CAMTA1: variants seen among roughly 807,000 people sequenced by gnomAD.
CAMTA1 encodes calmodulin binding transcription activator 1, also known as calmodulin-binding transcription activator 1.
Under a neutral mutation model 170.9 loss-of-function variants are expected in CAMTA1, and 27 were observed. The ratio of observed to expected loss-of-function variants is 0.16; its 90% confidence interval spans 0.12 to 0.22. CAMTA1 has a LOEUF of 0.22. Ranked by LOEUF, CAMTA1 falls within the 10% of genes least tolerant of loss-of-function variation. CAMTA1 has a pLI of 1.00. For missense variants in CAMTA1, 1,619 were observed against 2,217.2 expected (o/e 0.73, Z 5.42); for synonymous variants, 833 against 891.5 (o/e 0.93, Z 1.17).
chr1:7,187,553 CTGAA>C (rs1461839050), intron 4 of CAMTA1, among the ~76,000 whole-genome samples: 1 of 152,056 alleles, frequency 6.6e-6, no homozygotes, highest in Non-Finnish European at 1.5e-5. Flanking sequence ...TCTAGACTTC[CTGAA>C]TGAAGTTTCA....
Position 7,231,350 on chromosome 1 carries a change from T to TGTGTGTGTGTGTGAGA in CAMTA1, c.303-18140_303-18139insTGTGTGTGTGTGAGAG, listed in dbSNP as rs112268253. ...TAATGTGTGTGTGTGTGTGTGTGTG[T>TGTGTGTGTGTGTGAGA]GAGAGAGAGAGAGAGAGAGAGAGGT... On this transcript the variant is annotated intron_variant, in intron 4 of 22. Coordinates refer to ENST00000303635, the MANE Select transcript of CAMTA1 (RefSeq NM_015215.4). 5.0e-5 allele frequency among the ~76,000 whole-genome samples: 7 copies of TGTGTGTGTGTGTGAGA among 141,190 alleles called. No homozygotes were observed. The South Asian group carries it at 7.3e-4, about 15-fold the overall frequency. The allele number at this position is 141,190 out of a possible 152,430, so 92.6% of individuals were successfully genotyped here. A position where few individuals can be genotyped will look rare whatever the true frequency, so the allele number is the denominator to read the frequency against.
At chr1:6,907,530 C>G (rs538789421) in intron 3 of CAMTA1, among the ~76,000 whole-genome samples, 1 of 152,278 alleles carries the variant, frequency 6.6e-6, no homozygotes, top group South Asian at 2.1e-4. Flanking sequence ...CTGGCTTGTC[C>G]AGACCGCCGC....
At chr1:6,903,193 C>G (rs1448502299) in intron 3 of CAMTA1, among the ~76,000 whole-genome samples, 1 of 152,076 alleles carries the variant, frequency 6.6e-6, no homozygotes, top group Non-Finnish European at 1.5e-5. Flanking sequence ...AGATAAAATC[C>G]AAGAACGGAT....
chr1:6,928,559 G>A (rs1025616092), intron 3 of CAMTA1, among the ~76,000 whole-genome samples: 5 of 151,978 alleles, frequency 3.3e-5, no homozygotes, highest in African/African-American at 1.2e-4. Flanking sequence ...CTGGGAAGAT[G>A]CCTGCCGTTG....
chr1:7,127,424 G>A (rs1466075625), intron 4 of CAMTA1, among the ~76,000 whole-genome samples: 1 of 151,852 alleles, frequency 6.6e-6, no homozygotes, highest in Non-Finnish European at 1.5e-5. Context: ...CTCTTCATCT[G>A]CACTGTTACA....
chr1:7,210,963 C>A (rs1162057408), intron 4 of CAMTA1, among the ~76,000 whole-genome samples: 1 of 152,182 alleles, frequency 6.6e-6, no homozygotes, highest in Non-Finnish European at 1.5e-5. Context: ...GACAAATCCC[C>A]ATAATATTTT....
intron 1 of CAMTA1, among the ~76,000 whole-genome samples, chr1:6,816,538 G>A (rs2148410398): frequency 6.6e-6 from 1 of 152,370 alleles, no homozygotes; most frequent in African/African-American, 2.4e-5. Context: ...GCTTCCTGAA[G>A]GGTGAGGGGT....
At chr1:7,517,267 A>G (rs749382029) in intron 6 of CAMTA1, among the ~76,000 whole-genome samples, 1 of 152,068 alleles carries the variant, frequency 6.6e-6, no homozygotes, top group Non-Finnish European at 1.5e-5. Flanking sequence ...TATCCTTTTC[A>G]TGTTGGTCTG....
Position 7,649,755 on chromosome 1 carries a change from C to T in CAMTA1, c.664+9202C>T, listed in dbSNP as rs867368343. Among the ~76,000 whole-genome samples, 31 of 152,326 alleles carry T rather than the reference C, an allele frequency of 2.0e-4. 1 individual carries two copies. The highest frequency in any genetic ancestry group is 6.8e-3 in the Middle Eastern group (2 of 294). On this transcript the variant is annotated intron_variant, in intron 7 of 22. Coordinates refer to ENST00000303635, the MANE Select transcript of CAMTA1 (RefSeq NM_015215.4). Reference sequence around the variant, plus strand: ...CGCTTCAAGGCCGCATAGCTGCTTCCGTGACAGGAGATCCCCCTTTTGTGG... The same window carrying T: ...CGCTTCAAGGCCGCATAGCTGCTTCTGTGACAGGAGATCCCCCTTTTGTGG...
At chr1:7,030,416 G>T (rs1702624123) in intron 3 of CAMTA1, among the ~76,000 whole-genome samples, 1 of 152,050 alleles carries the variant, frequency 6.6e-6, no homozygotes, top group Non-Finnish European at 1.5e-5. Context: ...ACCCCAAAAT[G>T]GCTTTGTTAT....
intron 5 of CAMTA1, among the ~76,000 whole-genome samples, chr1:7,403,435 G>C (rs1295500411): frequency 6.6e-6 from 1 of 152,208 alleles, no homozygotes; most frequent in African/African-American, 2.4e-5. Context: ...ATAACACTCT[G>C]TGGGGAATCC....
intron 5 of CAMTA1, among the ~76,000 whole-genome samples, chr1:7,351,854 G>T (rs141268904): frequency 6.6e-6 from 1 of 152,338 alleles, no homozygotes; most frequent in East Asian, 1.9e-4. Flanking sequence ...AGTATAAACA[G>T]AGCGTTATTA....
At chr1:7,086,779 G>A (rs1640803813) in intron 3 of CAMTA1, among the ~76,000 whole-genome samples, 1 of 152,212 alleles carries the variant, frequency 6.6e-6, no homozygotes, top group Non-Finnish European at 1.5e-5. Flanking sequence ...ACATGCCGTT[G>A]TACGTCTGTG....
intron 22 of CAMTA1, among the ~76,000 whole-genome samples, chr1:7,758,725 G>C (rs929249389): frequency 2.0e-5 from 3 of 152,050 alleles, no homozygotes; most frequent in Non-Finnish European, 4.4e-5. Context: ...CACGAGGTCA[G>C]GAGATCGAGA....
chr1:7,316,898 C>T (rs1189441102), intron 5 of CAMTA1, among the ~76,000 whole-genome samples: 2 of 152,182 alleles, frequency 1.3e-5, no homozygotes, highest in African/African-American at 4.8e-5. Context: ...AAATGGGGTA[C>T]AGCAGTGTAT....
chr1:7,069,711 G>A (rs1638352458), intron 3 of CAMTA1, among the ~76,000 whole-genome samples: 1 of 151,822 alleles, frequency 6.6e-6, no homozygotes, highest in Non-Finnish European at 1.5e-5. Flanking sequence ...GTGGGAACAG[G>A]GGACTGGCAG....
intron 6 of CAMTA1, 92 bp downstream of exon 6, chr1:7,467,993 C>A: frequency 9.7e-7 from 1 of 1,033,348 alleles, no homozygotes. Flanking sequence ...GCATGCGACA[C>A]GGCTTCGGGC....
intron 5 of CAMTA1, among the ~76,000 whole-genome samples, chr1:7,367,615 C>A (rs545865246): frequency 1.3e-5 from 2 of 152,232 alleles, no homozygotes; most frequent in African/African-American, 4.8e-5. Context: ...GAGCTCTGGG[C>A]CCTCTGCACT....
In CAMTA1 at chr1:6,887,972, T is replaced by G; in HGVS notation, c.234+62762T>G. ...AGCAGGGCTCTGTGCACACGCCTCC[T>G]GGTCCAGAGGCCTCCGTGACCATCC... On this transcript the variant is annotated intron_variant, in intron 3 of 22. Transcript: ENST00000303635. The surrounding 1 kb of genome is among the most constrained non-coding windows in gnomAD (Gnocchi z 4.1). The G allele has an allele frequency of 5.7e-6, 7 of 1,233,654 alleles. No homozygotes were observed. The highest frequency in any genetic ancestry group is 4.6e-5 in the African/African-American group (3 of 65,278). The allele number at this position is 1,233,654 out of a possible 1,614,324, so 76.4% of individuals were successfully genotyped here.
Sources: gnomAD v4.1 joint callset for allele counts (sites outside exome capture counted in the v4.1 genomes callset) on GRCh38, gnomAD v4.1.1 for gene constraint, Gnocchi (gnomAD v3.1) non-coding constraint, MANE v1.5 for transcripts, NCBI Gene and HGNC (gene_info 2026-07-23, HGNC 2026-07-21) for gene names.